Variants in PID1 observed in about 807,000 individuals in gnomAD.
The protein encoded by PID1 is PTB-containing, cubilin and LRP1-interacting protein.
A neutral mutation model predicts 19.1 loss-of-function variants in PID1; 10 were observed. That is an observed-to-expected ratio of 0.52 (90% CI 0.32 to 0.89). The LOEUF (loss-of-function observed/expected upper bound fraction) is 0.89, where lower values mean the gene tolerates loss of function less well. Ranked by LOEUF, PID1 falls within the 40% of genes least tolerant of loss-of-function variation. The probability of loss-of-function intolerance (pLI) is 0.03; values close to 1 mark genes in which losing one functional copy is unlikely to be tolerated. For missense variants in PID1, 248 were observed against 285.3 expected, an observed-to-expected ratio of 0.87 and a Z score of 0.94; for synonymous variants, 130 against 116.0, an observed-to-expected ratio of 1.12 and a Z score of -0.78.
chr2:229,268,407 A>C (rs997929801), intron 1 of PID1, among the ~76,000 whole-genome samples: 1 of 152,236 alleles, frequency 6.6e-6, no homozygotes, highest in African/African-American at 2.4e-5. Flanking sequence ...CCTGGGACAC[A>C]GACTTCTCAA....
chr2:229,246,849 C>T (rs118125843), intron 1 of PID1, among the ~76,000 whole-genome samples: 1 of 152,208 alleles, frequency 6.6e-6, no homozygotes, highest in East Asian at 1.9e-4. Context: ...CCTAAGAAAG[C>T]CAGTTCTCAC....
intron 2 of PID1, among the ~76,000 whole-genome samples, chr2:229,055,197 C>T (rs1373721216): frequency 6.6e-6 from 1 of 152,124 alleles, no homozygotes; most frequent in Non-Finnish European, 1.5e-5. Flanking sequence ...GTGCCTGATG[C>T]AAGAAGAGAT....
intron 2 of PID1, among the ~76,000 whole-genome samples, chr2:229,120,918 T>A (rs530117062): frequency 1.3e-5 from 2 of 152,116 alleles, no homozygotes; most frequent in Non-Finnish European, 2.9e-5. Context: ...TTCCTCCTCC[T>A]GTCCCTCTTT....
At chr2:229,129,087 C>T (rs970974912) in intron 2 of PID1, among the ~76,000 whole-genome samples, 1 of 152,078 alleles carries the variant, frequency 6.6e-6, no homozygotes, top group South Asian at 2.1e-4. Flanking sequence ...CTTAGAGAGA[C>T]TGAACCATTT....
chr2:229,234,450 G>C (rs1399163071), intron 1 of PID1, among the ~76,000 whole-genome samples: 1 of 152,158 alleles, frequency 6.6e-6, no homozygotes, highest in African/African-American at 2.4e-5. Flanking sequence ...AGGAATGTGA[G>C]CAGGGAAACT....
At chr2:229,152,323 C>T (rs569768958) in intron 2 of PID1, among the ~76,000 whole-genome samples, 12 of 152,320 alleles carry the variant, frequency 7.9e-5, no homozygotes, top group Admixed American at 6.5e-4. Context: ...GATTCTGATA[C>T]TCACACAAGT....
intron 2 of PID1, among the ~76,000 whole-genome samples, chr2:229,038,937 C>T (rs1442833322): frequency 1.3e-5 from 2 of 152,136 alleles, no homozygotes; most frequent in Non-Finnish European, 2.9e-5. Context: ...GGTAAACAAA[C>T]CTGAAATCTG....
At chr2:229,253,272 T>C (rs1453375821) in intron 1 of PID1, among the ~76,000 whole-genome samples, 1 of 152,198 alleles carries the variant, frequency 6.6e-6, no homozygotes, top group South Asian at 2.1e-4. Flanking sequence ...AAGAGGGATT[T>C]GTTTCATAAT....
chr2:229,159,269 T>A (rs1026235604), intron 1 of PID1, among the ~76,000 whole-genome samples: 2 of 152,190 alleles, frequency 1.3e-5, no homozygotes, highest in Admixed American at 1.3e-4. Flanking sequence ...TAGGACTCCA[T>A]CTGGCCTCTC....
At chr2:229,205,076 TTTAAATCTC>T (rs1691580739) in intron 1 of PID1, among the ~76,000 whole-genome samples, 1 of 152,124 alleles carries the variant, frequency 6.6e-6, no homozygotes, top group African/African-American at 2.4e-5. Context: ...AACATTTAAC[TTTAAATCTC>T]TTCTCAAGAG....
intron 1 of PID1, among the ~76,000 whole-genome samples, chr2:229,251,992 A>C (rs1690166634): frequency 2.0e-5 from 3 of 152,054 alleles, no homozygotes; most frequent in South Asian, 4.1e-4. Flanking sequence ...AAAGAAAAAA[A>C]AACACACAAA....
rs1432666716 is a variant in PID1, at chr2:229,051,371, TC to T, written c.178-25264del. On this transcript the variant is annotated intron_variant, in intron 2 of 2. Transcript: ENST00000392055. ...TTAATTTTTTGAGACAGGGTCTTAC[TC>T]TGTTGCCCCGGCTGTAGTGCAGTGA... 2.0e-5 allele frequency among the ~76,000 whole-genome samples: 3 copies of T among 152,306 alleles called. No individual in the cohort carries two copies. In the East Asian group the frequency reaches 5.8e-4, roughly 30 times the overall value.
At chr2:229,200,391 T>C (rs977327086) in intron 1 of PID1, among the ~76,000 whole-genome samples, 1 of 151,996 alleles carries the variant, frequency 6.6e-6, no homozygotes, top group Non-Finnish European at 1.5e-5. Context: ...AAAAACAGTA[T>C]GTGGCTGAAG....
chr2:229,168,442 T>G (rs925222479), intron 1 of PID1, among the ~76,000 whole-genome samples: 24 of 152,178 alleles, frequency 1.6e-4, no homozygotes, highest in Non-Finnish European at 3.4e-4. Flanking sequence ...CTGTGCTGAA[T>G]CTACTAATAA....
At chr2:229,207,179 A>T (rs1691627466) in intron 1 of PID1, among the ~76,000 whole-genome samples, 1 of 152,164 alleles carries the variant, frequency 6.6e-6, no homozygotes, top group African/African-American at 2.4e-5. Flanking sequence ...ACAAGTCTTC[A>T]TTTAGAGTAA....
At chr2:229,164,766 T>C (rs929637527) in intron 1 of PID1, among the ~76,000 whole-genome samples, 9 of 152,114 alleles carry the variant, frequency 5.9e-5, no homozygotes, top group Non-Finnish European at 1.2e-4. Context: ...TGAAACAGTT[T>C]GCAGGCTGCA....
chr2:229,212,186 T>A (rs567990935), intron 1 of PID1, among the ~76,000 whole-genome samples: 1 of 152,222 alleles, frequency 6.6e-6, no homozygotes, highest in African/African-American at 2.4e-5. Context: ...TTGAGGATTC[T>A]GCTTATTTTT....
At chr2:229,258,849 G>A (rs533359792) in intron 1 of PID1, among the ~76,000 whole-genome samples, 7 of 126,486 alleles carry the variant, frequency 5.5e-5, no homozygotes, top group South Asian at 2.8e-4. Flanking sequence ...GCGACAAAGC[G>A]AGACTCCGTC....
chr2:229,184,925 ATG>A (rs1691086375), intron 1 of PID1, among the ~76,000 whole-genome samples: 2 of 142,288 alleles, frequency 1.4e-5, no homozygotes. Context: ...TATCCTACAT[ATG>A]TATCCCATAT....
Sources: gnomAD v4.1 joint callset for allele counts (sites outside exome capture counted in the v4.1 genomes callset) on GRCh38, gnomAD v4.1.1 for gene constraint, MANE v1.5 for transcripts, NCBI Gene and HGNC (gene_info 2026-07-23, HGNC 2026-07-21) for gene names.